Variants in ALG14 observed in about 807,000 individuals in gnomAD.
ALG14 encodes UDP-N-acetylglucosamine transferase subunit ALG14.
Under a neutral mutation model 22.8 loss-of-function variants are expected in ALG14, and 17 were observed. That is an observed-to-expected ratio of 0.75 (90% CI 0.51 to 1.12). The LOEUF (loss-of-function observed/expected upper bound fraction) is 1.12. Among genes scored for constraint, ALG14 ranks in the 50% most tolerant of loss-of-function variants. The pLI, the probability that ALG14 is intolerant of heterozygous loss-of-function variation, is 0.00. For missense variants in ALG14, 288 were observed against 271.8 expected (o/e 1.06, Z -0.42); for synonymous variants, 89 against 103.7 (o/e 0.86, Z 0.86).
At chr1:94,988,476 G>A (rs1672694152) in intron 3 of ALG14, among the ~76,000 whole-genome samples, 1 of 152,170 alleles carries the variant, frequency 6.6e-6, no homozygotes, top group Non-Finnish European at 1.5e-5. Context: ...CTCAGAGATG[G>A]CTATTTCAGT....
chr1:95,036,120 A>G lies in ALG14; in HGVS notation c.289-8860T>C, dbSNP rs543027824. On this transcript the variant is annotated intron_variant, in intron 2 of 3. Coordinates refer to ENST00000370205, the MANE Select transcript of ALG14 (RefSeq NM_144988.4). ...GATGAAATGCCATGAAGTGTCATAT[A>G]AGTGAGGGTGCTGTGGGCCCCTGAT... Among the ~76,000 whole-genome samples the G allele has an allele frequency of 3.3e-4, 51 of 152,252 alleles. No homozygotes were observed. In the South Asian group the frequency reaches 4.6e-3, roughly 14 times the overall value.
At chr1:95,000,047 G>A (rs1360124558) in intron 3 of ALG14, among the ~76,000 whole-genome samples, 2 of 151,874 alleles carry the variant, frequency 1.3e-5, no homozygotes, top group East Asian at 1.9e-4. Context: ...ATCACTTATC[G>A]TCAATGGCTT....
chr1:95,038,616 G>T (rs754173881), intron 2 of ALG14, among the ~76,000 whole-genome samples: 1 of 151,180 alleles, frequency 6.6e-6, no homozygotes. Flanking sequence ...GGGAGGTGGA[G>T]GTTGCAGTGA....
chr1:95,026,138 T>C (rs1673808302), intron 3 of ALG14, among the ~76,000 whole-genome samples: 1 of 152,174 alleles, frequency 6.6e-6, no homozygotes, highest in Non-Finnish European at 1.5e-5. Context: ...TTCATTGTGT[T>C]AGCCAGGATG....
At chr1:94,987,305 T>TA (rs139828637) in intron 3 of ALG14, among the ~76,000 whole-genome samples, 3,395 of 152,288 alleles carry the variant, frequency 0.022, 133 homozygotes, top group African/African-American at 0.078. Context: ...TCACTGGCAA[T>TA]AGAAGCATAC....
chr1:95,058,536 G>T (rs1675019331), intron 2 of ALG14, among the ~76,000 whole-genome samples: 1 of 148,566 alleles, frequency 6.7e-6, no homozygotes, highest in Non-Finnish European at 1.5e-5. Context: ...AGACTCACTT[G>T]AACCCAGGAA....
At chr1:95,050,808 C>T (rs1660772263) in intron 2 of ALG14, among the ~76,000 whole-genome samples, 1 of 151,988 alleles carries the variant, frequency 6.6e-6, no homozygotes, top group African/African-American at 2.4e-5. Context: ...AATAGAAGGC[C>T]CTAAGGCCCA....
At chr1:95,057,638 G>GTGTA (rs1388542720) in intron 2 of ALG14, among the ~76,000 whole-genome samples, 2 of 149,776 alleles carry the variant, frequency 1.3e-5, no homozygotes, top group East Asian at 4.2e-4. Context: ...GTGTGTGTGT[G>GTGTA]TGTGTGTGTA....
chr1:95,005,151 T>C (rs1673181505), intron 3 of ALG14, among the ~76,000 whole-genome samples: 2 of 152,248 alleles, frequency 1.3e-5, no homozygotes, highest in Middle Eastern at 3.4e-3. Flanking sequence ...GAAAAGACAT[T>C]GAAGCCAGGT....
At chr1:95,036,126 G>A (rs1262172013) in intron 2 of ALG14, among the ~76,000 whole-genome samples, 1 of 152,072 alleles carries the variant, frequency 6.6e-6, no homozygotes, top group East Asian at 1.9e-4. Context: ...ATATAAGTGA[G>A]GGTGCTGTGG....
Position 94,997,202 on chromosome 1 carries a change from C to T in ALG14, c.421-13896G>A, listed in dbSNP as rs747355977. Among the ~76,000 whole-genome samples the T allele has an allele frequency of 2.0e-5, 3 of 152,162 alleles. No individual in the cohort carries two copies. The East Asian group carries it at 5.8e-4, about 29-fold the overall frequency. Reference sequence around the variant, plus strand: ...GAAATGGTTTGCTGCAGGTGCTTCACATTACAACCTGGGTCTTTGGGGAGG... The same window carrying T: ...GAAATGGTTTGCTGCAGGTGCTTCATATTACAACCTGGGTCTTTGGGGAGG... On this transcript the variant is annotated intron_variant, in intron 3 of 3. Transcript: ENST00000370205.
chr1:95,022,319 G>A, intron 3 of ALG14: 1 of 985,392 alleles, frequency 1.0e-6, no homozygotes, highest in Non-Finnish European at 1.2e-6. Context: ...GCTACAGGTT[G>A]TCACTCAGCC....
chr1:95,046,024 T>C (rs1274112444), intron 2 of ALG14, among the ~76,000 whole-genome samples: 1 of 148,328 alleles, frequency 6.7e-6, no homozygotes, highest in Non-Finnish European at 1.5e-5. Context: ...TATATTATTA[T>C]ACTAATTCTA....
intron 3 of ALG14, among the ~76,000 whole-genome samples, chr1:94,990,007 A>G (rs1184432808): frequency 1.3e-5 from 2 of 152,196 alleles, no homozygotes; most frequent in Non-Finnish European, 2.9e-5. Context: ...CAAAACATGG[A>G]TGGCGACTGC....
chr1:95,056,675 G>T (rs759035637), intron 2 of ALG14, among the ~76,000 whole-genome samples: 13 of 151,916 alleles, frequency 8.6e-5, no homozygotes, highest in Non-Finnish European at 1.6e-4. Context: ...AAAACTTCTA[G>T]AAAATAACAC....
At chr1:95,047,588 C>T (rs572447988) in intron 2 of ALG14, among the ~76,000 whole-genome samples, 206 of 152,284 alleles carry the variant, frequency 1.4e-3, no homozygotes, top group Non-Finnish European at 2.6e-3. Context: ...AGCTGATCTG[C>T]CCGCCTTGGC....
At chr1:95,044,803 T>C (rs931851798) in intron 2 of ALG14, among the ~76,000 whole-genome samples, 1 of 152,186 alleles carries the variant, frequency 6.6e-6, no homozygotes, top group African/African-American at 2.4e-5. Context: ...TGTTCACTTG[T>C]GTATCCCAAC....
At position 94,976,416 on chromosome 1, in the gene ALG14, G is replaced by A. The variant is rs1345690824; in HGVS notation, c.*6660C>T. 6.6e-6 allele frequency: 1 copy of A among 152,190 alleles called. No individual in the cohort carries two copies. The allele number at this position is 152,190 out of a possible 1,614,324, so 9.4% of individuals were successfully genotyped here. ...GAAGTCTCAGATGGCCCCCAGAACG[G>A]GCATGGTGGCTGACGCCTGTAATTC... On this transcript the variant is annotated 3_prime_UTR_variant, in exon 4 of 4. Transcript: ENST00000370205.
At chr1:95,014,177 T>C (rs1432940975) in intron 3 of ALG14, among the ~76,000 whole-genome samples, 1 of 152,216 alleles carries the variant, frequency 6.6e-6, no homozygotes, top group African/African-American at 2.4e-5. Flanking sequence ...ACAGACTTCC[T>C]CCTCTGGTGA....
Sources: allele counts gnomAD v4.1 joint callset (sites outside exome capture counted in the v4.1 genomes callset), GRCh38; gene constraint gnomAD v4.1.1; transcripts MANE v1.5; gene names NCBI Gene and HGNC (gene_info 2026-07-23, HGNC 2026-07-21).